GOLGA8T: variants seen among roughly 807,000 people sequenced by gnomAD.
GOLGA8T encodes golgin A8 family member T, also known as golgin subfamily A member 8T.
In GOLGA8T, 17 loss-of-function variants were observed where a neutral mutation model predicts 52.0. The ratio of observed to expected loss-of-function variants is 0.33; its 90% confidence interval spans 0.22 to 0.49. GOLGA8T has a LOEUF of 0.49. GOLGA8T is among the 20% of genes least tolerant of loss of function. The pLI is 0.99. For synonymous variants in GOLGA8T, 67 were observed against 169.5 expected, an observed-to-expected ratio of 0.40 and a Z score of 4.70; for missense variants, 154 against 462.1, an observed-to-expected ratio of 0.33 and a Z score of 6.11.
At chr15:30,143,348 A>G (rs2140651572) in intron 13 of GOLGA8T, among the ~76,000 whole-genome samples, 1 of 115,628 alleles carries the variant, frequency 8.6e-6, no homozygotes, top group Admixed American at 7.4e-5. Flanking sequence ...CAGCCAGACC[A>G]TTACCTGGGT....
rs1472178417 is a variant in GOLGA8T at position 30,148,695 on chromosome 15, C to T, written c.*3128C>T. ...ACTGAAAGATTTTTCCCTAGAGTGG[C>T]CTTATTGACTGCTGGTGTGATGCCA... On this transcript the variant is annotated 3_prime_UTR_variant, in exon 19 of 19. Transcript: ENST00000569052. 6.8e-6 allele frequency among the ~76,000 whole-genome samples: 1 copy of T among 146,364 alleles called. No individual in the cohort carries two copies. Among genetic ancestry groups the T allele is most frequent in the Non-Finnish European group, 1.5e-5 (1 of 67,156 alleles).
At chr15:30,144,510 G>T (rs1420913200) in intron 15 of GOLGA8T, among the ~76,000 whole-genome samples, 4 of 128,032 alleles carry the variant, frequency 3.1e-5, no homozygotes, top group Admixed American at 7.5e-5. Flanking sequence ...AGCAGGCACA[G>T]TTACAAGAGC....
rs1389478140 is a variant in GOLGA8T at position 30,148,372 on chromosome 15, C to G, written c.*2805C>G. On this transcript the variant is annotated 3_prime_UTR_variant, in exon 19 of 19. Coordinates refer to ENST00000569052, the MANE Select transcript of GOLGA8T (RefSeq NM_001355469.2). The stretch of plus-strand genomic sequence containing the variant: ...AAAAAAATCAGCTCTAAAACCAAAG[C>G]GATTTTAGAAAATTTGAAAATGTAA... Among the ~76,000 whole-genome samples the G allele has an allele frequency of 8.4e-6, 1 of 118,592 alleles. No homozygotes were observed. Among genetic ancestry groups the G allele is most frequent in the South Asian group, 2.7e-4 (1 of 3,674 alleles). The allele number at this position is 118,592 out of a possible 152,430, so 77.8% of individuals were successfully genotyped here. A position where few individuals can be genotyped will look rare whatever the true frequency, so the allele number is the denominator to read the frequency against.
rs1314354423 is a variant in GOLGA8T, at chr15:30,142,457, A to G, written c.1200+75A>G. 3.3e-5 allele frequency: 52 copies of G among 1,574,464 alleles called. 4 individuals carry two copies. Among genetic ancestry groups the G allele is most frequent in the Middle Eastern group, 2.2e-4 (1 of 4,538 alleles). Reference sequence around the variant, plus strand: ...GCAGCAGACTCTGGGGAGGGGAGGTACGAGGCCAGAGGCAGCTTCCAGCCT... The same window carrying G: ...GCAGCAGACTCTGGGGAGGGGAGGTGCGAGGCCAGAGGCAGCTTCCAGCCT... On this transcript the variant is annotated intron_variant, in intron 13 of 18. Transcript: ENST00000569052.
chr15:30,141,204 G>T, intron 10 of GOLGA8T, 62 bp downstream of exon 10: 1 of 1,115,960 alleles, frequency 9.0e-7, no homozygotes. Context: ...CTGGTCATCT[G>T]TAAAATGGGA....
Position 30,142,493 on chromosome 15 carries a change from G to A in GOLGA8T, c.1200+111G>A. Reference sequence around the variant, plus strand: ...GGCAGCTTCCAGCCTGGGGGCTGGTGACCACAGCACCCCCCAGGGCAGTCC... The same window carrying A: ...GGCAGCTTCCAGCCTGGGGGCTGGTAACCACAGCACCCCCCAGGGCAGTCC... On this transcript the variant is annotated intron_variant, in intron 13 of 18. Coordinates refer to ENST00000569052, the MANE Select transcript of GOLGA8T (RefSeq NM_001355469.2). 2.6e-6 allele frequency: 4 copies of A among 1,527,176 alleles called. 1 individual carries two copies. The highest frequency in any genetic ancestry group is 3.5e-6 in the Non-Finnish European group (4 of 1,143,260). The allele number at this position is 1,527,176 out of a possible 1,614,324, so 94.6% of individuals were successfully genotyped here. A position where few individuals can be genotyped will look rare whatever the true frequency, so the allele number is the denominator to read the frequency against.
At chr15:30,142,193 G>T in intron 12 of GOLGA8T, 121 bp from the exon 13 acceptor site, 1 of 684,222 alleles carries the variant, frequency 1.5e-6, no homozygotes, top group South Asian at 1.8e-5. Flanking sequence ...AGGTGGCTGT[G>T]GGAGAGAGGG....
chr15:30,142,420 G>C, intron 13 of GOLGA8T, 38 bp downstream of exon 13: 1 of 1,577,896 alleles, frequency 6.3e-7, no homozygotes, highest in Non-Finnish European at 8.5e-7. Context: ...TCCAAGAAGG[G>C]CTGGGAGGCG....
Position 30,148,700 on chromosome 15 carries a change from T to C in GOLGA8T, c.*3133T>C, listed in dbSNP as rs1411126693. Among the ~76,000 whole-genome samples the C allele has an allele frequency of 2.0e-5, 3 of 147,246 alleles. No homozygotes were observed. The highest frequency in any genetic ancestry group is 6.7e-5 in the Admixed American group (1 of 14,836). Reference sequence around the variant, plus strand: ...AAGATTTTTCCCTAGAGTGGCCTTATTGACTGCTGGTGTGATGCCACTGTA... The same window carrying C: ...AAGATTTTTCCCTAGAGTGGCCTTACTGACTGCTGGTGTGATGCCACTGTA... On this transcript the variant is annotated 3_prime_UTR_variant, in exon 19 of 19. Transcript: ENST00000569052.
At position 30,140,255 on chromosome 15, in the gene GOLGA8T, C is replaced by T. The variant is rs1383271480; in HGVS notation, c.591+471C>T. The T allele has an allele frequency of 8.7e-5, 34 of 392,440 alleles. 4 individuals are homozygous for T. Among genetic ancestry groups the T allele is most frequent in the Admixed American group, 3.3e-4 (10 of 30,478 alleles). 24.3% of individuals were successfully genotyped at this position (392,440 alleles called of 1,614,324 possible). ...AGTCAGGAGAGAGCAACAAGATGGC[C>T]GGGAGATACTTCCCTTCTGTACCTT... On this transcript the variant is annotated intron_variant, in intron 8 of 18. Transcript: ENST00000569052.
In GOLGA8T at chr15:30,141,279, C is replaced by T. The variant is rs113749367; in HGVS notation, c.787-59C>T. The T allele has an allele frequency of 1.1e-5, 17 of 1,551,610 alleles. 2 individuals are homozygous for T. The highest frequency in any genetic ancestry group is 2.0e-5 in the African/African-American group (1 of 49,012). On this transcript the variant is annotated intron_variant, in intron 10 of 18. Transcript: ENST00000569052. ...GAGGTGGGGGCAGAGAGGGAGAGGGCAGCCTGTCCAGCCACCAGCCCCTCT... is the reference window on the plus strand; with the variant it reads ...GAGGTGGGGGCAGAGAGGGAGAGGGTAGCCTGTCCAGCCACCAGCCCCTCT...
chr15:30,142,416 A>C (rs747901516), intron 13 of GOLGA8T, 34 bp downstream of exon 13: 1 of 1,575,944 alleles, frequency 6.3e-7, no homozygotes, highest in African/African-American at 1.4e-5. Context: ...CCCATCCAAG[A>C]AGGGCTGGGA....
In GOLGA8T at chr15:30,142,407, C is replaced by G. The variant is rs536268720; in HGVS notation, c.1200+25C>G. ...GGTGAAGGAGACGGAAACCTCCACC[C>G]CATCCAAGAAGGGCTGGGAGGCGGG... On this transcript the variant is annotated intron_variant, in intron 13 of 18. Transcript: ENST00000569052. 2.5e-6 allele frequency: 4 copies of G among 1,571,958 alleles called. No individual in the cohort carries two copies. In the East Asian group the frequency reaches 6.9e-5, roughly 27 times the overall value.
Position 30,142,324 on chromosome 15 carries a change from A to G in GOLGA8T, c.1142A>G (p.Asn381Ser), listed in dbSNP as rs1228172902. The G allele has an allele frequency of 7.8e-6, 12 of 1,536,356 alleles. No individual in the cohort carries two copies. Among genetic ancestry groups the G allele is most frequent in the Non-Finnish European group, 1.0e-5 (12 of 1,151,666 alleles). The change falls in exon 13 of 19, where the codon AAC (asparagine) becomes AGC (serine). Residue 381 changes from asparagine to serine, a missense_variant. By Grantham distance (46) the Asn-to-Ser change is conservative (BLOSUM62 1). This residue lies in a region of GOLGA8T where 54 missense variants were observed against 51.5 expected (regional missense o/e 1.05). Coordinates refer to ENST00000569052, the MANE Select transcript of GOLGA8T (RefSeq NM_001355469.2). ...CTTCTCTCTGTCCAGAACAATGAGA[A>G]CAAGAACGCACTGCAGTTGGAGCAG... ...QSVFEEPNNE[N>S]KNALQLEQQV...
chr15:30,142,452 G>A, intron 13 of GOLGA8T, 70 bp downstream of exon 13: 2 of 1,578,308 alleles, frequency 1.3e-6, no homozygotes, highest in Middle Eastern at 2.2e-4. Context: ...CTGGGGAGGG[G>A]AGGTACGAGG....
At chr15:30,137,305 G>T (rs2057702889) in intron 2 of GOLGA8T, among the ~76,000 whole-genome samples, 1 of 139,402 alleles carries the variant, frequency 7.2e-6, no homozygotes, top group South Asian at 2.3e-4. Flanking sequence ...GTGAACCTGG[G>T]AGGTGGAGCT....
chr15:30,142,417 A>C, intron 13 of GOLGA8T, 35 bp downstream of exon 13: 1 of 1,576,474 alleles, frequency 6.3e-7, no homozygotes, highest in Non-Finnish European at 8.5e-7. Context: ...CCATCCAAGA[A>C]GGGCTGGGAG....
rs753922816 is a variant in GOLGA8T at position 30,140,916 on chromosome 15, G to T, written c.666G>T (p.Val222=). 4 of 1,557,386 alleles carry T rather than the reference G, an allele frequency of 2.6e-6. 1 individual carries two copies. In the South Asian group the frequency reaches 4.6e-5, roughly 18 times the overall value. The change falls in exon 9 of 19, where the codon GTG becomes GTT. Residue 222 remains valine (V), a synonymous_variant. Transcript: ENST00000569052. ...QSMREETLLK[V]QLTQLKESFQ... ...TGCGGGAGGAGACACTACTGAAAGT[G>T]CAGCTGACACAGGTGAGGTTTTCTG...
chr15:30,142,605 A>T lies in GOLGA8T; in HGVS notation c.1200+223A>T, dbSNP rs11634724. On this transcript the variant is annotated intron_variant, in intron 13 of 18. Transcript: ENST00000569052. The stretch of plus-strand genomic sequence containing the variant: ...GGACATCATCATCCTAGCTAGAGGC[A>T]TGGAGCCCCCAATCACAGGGGAAGA... 1.9e-3 allele frequency among the ~76,000 whole-genome samples: 270 copies of T among 142,714 alleles called. 11 individuals carry two copies. The highest frequency in any genetic ancestry group is 2.5e-3 in the Non-Finnish European group (165 of 67,240). The allele number at this position is 142,714 out of a possible 152,430, so 93.6% of individuals were successfully genotyped here.
Sources: gnomAD v4.1 joint callset for allele counts (sites outside exome capture counted in the v4.1 genomes callset) on GRCh38, gnomAD v4.1.1 for gene constraint, gnomAD v4.1.1 regional missense constraint, MANE v1.5 for transcripts, NCBI Gene and HGNC (gene_info 2026-07-23, HGNC 2026-07-21) for gene names.